The following RNF144A variants were observed in gnomAD, a reference collection of about 807,000 sequenced individuals.
RNF144A encodes the protein ring finger protein 144A.
In RNF144A, 11 loss-of-function variants were observed where a neutral mutation model predicts 38.7. That is an observed-to-expected ratio of 0.28 (90% confidence interval 0.18 to 0.47). The LOEUF is 0.47. Among genes scored for constraint, RNF144A ranks in the 20% least tolerant of loss-of-function variants. RNF144A has a pLI of 0.99. For missense variants in RNF144A, 316 were observed against 377.2 expected (o/e 0.84, Z 1.34); for synonymous variants, 149 against 143.9 (o/e 1.04, Z -0.25).
At chr2:6,923,244 A>G (rs1391034420) in intron 1 of RNF144A, among the ~76,000 whole-genome samples, 2 of 151,816 alleles carry the variant, frequency 1.3e-5, no homozygotes, top group Non-Finnish European at 2.9e-5. Context: ...GCATGAAGGG[A>G]CTCTCTCCTC....
chr2:7,066,090 T>C (rs1674202767), intron 6 of RNF144A, among the ~76,000 whole-genome samples: 1 of 152,058 alleles, frequency 6.6e-6, no homozygotes, highest in Admixed American at 6.5e-5. Flanking sequence ...TTTTTTTTTT[T>C]TCTTTTTTTC....
chr2:6,938,250 C>CCTT (rs1558364934), intron 1 of RNF144A, among the ~76,000 whole-genome samples: 76 of 114,468 alleles, frequency 6.6e-4, no homozygotes, highest in Non-Finnish European at 1.0e-3. Flanking sequence ...CCTCCCCTCC[C>CCTT]TTTTTTTTTT....
chr2:7,036,009 G>A lies in RNF144A; in HGVS notation c.748-3620G>A, dbSNP rs74591883. Among the ~76,000 whole-genome samples, 45 of 152,312 alleles carry A rather than the reference G, an allele frequency of 3.0e-4. 1 individual carries two copies. Among genetic ancestry groups the A allele is most frequent in the Admixed American group, 9.8e-4 (15 of 15,304 alleles). ...GCAGAGTGGCCGCGAATGCAAGACC[G>A]CACGGTGGGCAGATGTCTCACGTGG... On this transcript the variant is annotated intron_variant, in intron 8 of 8. Transcript: ENST00000320892.
intron 8 of RNF144A, among the ~76,000 whole-genome samples, chr2:7,034,098 G>C (rs758988067): frequency 6.6e-6 from 1 of 152,070 alleles, no homozygotes. Flanking sequence ...GAGCTTGTTC[G>C]TCCCCATTCA....
chr2:7,029,588 GC>G (rs1284719112), intron 7 of RNF144A, among the ~76,000 whole-genome samples: 1 of 152,226 alleles, frequency 6.6e-6, no homozygotes, highest in African/African-American at 2.4e-5. Context: ...TGGAGAGGAA[GC>G]GCTTTCTAGG....
rs1248570698 is a variant in RNF144A at position 6,944,174 on chromosome 2, A to G, written c.-12+3027A>G. Among the ~76,000 whole-genome samples the G allele has an allele frequency of 6.6e-6, 1 of 152,126 alleles. No homozygotes were observed. Among genetic ancestry groups the G allele is most frequent in the Admixed American group, 6.5e-5 (1 of 15,280 alleles). ...GGGAGGAAGGAGCAGAGGAGGAGCC[A>G]TTGGAGATGCGGGAGGAGGCCGGGC... On this transcript the variant is annotated intron_variant, in intron 2 of 8. Transcript: ENST00000320892. The surrounding 1 kb of genome is among the most constrained non-coding windows in gnomAD (Gnocchi z 4.7).
chr2:6,952,488 C>T (rs1191017422), intron 2 of RNF144A, among the ~76,000 whole-genome samples: 1 of 150,738 alleles, frequency 6.6e-6, no homozygotes, highest in South Asian at 2.1e-4. Flanking sequence ...CAACTGAAAA[C>T]GAGACCTAGT....
chr2:7,032,959 CGGG>C (rs1558450090), intron 8 of RNF144A, among the ~76,000 whole-genome samples: 1 of 152,242 alleles, frequency 6.6e-6, no homozygotes, highest in Non-Finnish European at 1.5e-5. Flanking sequence ...GGTGCTGACT[CGGG>C]GGACCCGGCA....
intron 2 of RNF144A, among the ~76,000 whole-genome samples, chr2:6,947,517 A>G (rs1305480170): frequency 6.6e-6 from 1 of 152,210 alleles, no homozygotes; most frequent in African/African-American, 2.4e-5. Context: ...CCCGAGAAGA[A>G]AGTTTCTACA....
chr2:6,949,842 T>C (rs1336135913), intron 2 of RNF144A, among the ~76,000 whole-genome samples: 1 of 152,230 alleles, frequency 6.6e-6, no homozygotes, highest in Non-Finnish European at 1.5e-5. Flanking sequence ...TAAAAATAAA[T>C]ATACATACAC....
chr2:7,071,124 C>T (rs996894367), downstream of RNF144A, among the ~76,000 whole-genome samples: 23 of 152,092 alleles, frequency 1.5e-4, no homozygotes, highest in Non-Finnish European at 2.8e-4. Context: ...TTAGTAGAGA[C>T]AGAGTTTCAC....
chr2:6,981,734 G>A (rs1668644886), intron 2 of RNF144A, among the ~76,000 whole-genome samples: 1 of 152,278 alleles, frequency 6.6e-6, no homozygotes, highest in African/African-American at 2.4e-5. Context: ...TTCCAACTCT[G>A]CCTGTTACCC....
intron 7 of RNF144A, among the ~76,000 whole-genome samples, chr2:7,029,722 ACAGCCGGAGC>A (rs1425980747): frequency 1.3e-5 from 2 of 152,240 alleles, no homozygotes; most frequent in Non-Finnish European, 2.9e-5. Context: ...GGAGTCACAC[ACAGCCGGAGC>A]CAGCAGGAGC....
chr2:6,923,967 T>C (rs1309021865), intron 1 of RNF144A, among the ~76,000 whole-genome samples: 1 of 152,238 alleles, frequency 6.6e-6, no homozygotes, highest in Non-Finnish European at 1.5e-5. Flanking sequence ...AATGGATTTT[T>C]GTTAAGTGAT....
At chr2:6,938,103 A>C (rs190770692) in intron 1 of RNF144A, among the ~76,000 whole-genome samples, 1 of 152,210 alleles carries the variant, frequency 6.6e-6, no homozygotes, top group African/African-American at 2.4e-5. Context: ...CAGAGTTTAC[A>C]TGTAGTGTTG....
At chr2:7,070,295 CG>C (rs1415950866), downstream of RNF144A, among the ~76,000 whole-genome samples, 1 of 152,106 alleles carries the variant, frequency 6.6e-6, no homozygotes, top group Non-Finnish European at 1.5e-5. Context: ...CTCAGCCTCC[CG>C]AGTAGCTGTG....
At chr2:6,938,240 CCTCCCCTCCCT>C (rs1665722895) in intron 1 of RNF144A, among the ~76,000 whole-genome samples, 2 of 137,320 alleles carry the variant, frequency 1.5e-5, no homozygotes, top group Non-Finnish European at 3.2e-5. Flanking sequence ...CCCCCTCTCC[CCTCCCCTCCCT>C]TTTTTTTTTT....
chr2:7,056,661 T>C (rs1051038363), intron 6 of RNF144A, among the ~76,000 whole-genome samples: 1 of 152,176 alleles, frequency 6.6e-6, no homozygotes, highest in Non-Finnish European at 1.5e-5. Flanking sequence ...TTCCTGCTGC[T>C]GCCCTCAAGT....
At position 7,041,671 on chromosome 2, in the gene RNF144A, T is replaced by C; in HGVS notation, c.*1911T>C. 1 of 985,490 alleles carries C rather than the reference T, an allele frequency of 1.0e-6. No homozygotes were observed. Among genetic ancestry groups the C allele is most frequent in the Non-Finnish European group, 1.2e-6 (1 of 829,966 alleles). 61.0% of individuals were successfully genotyped at this position (985,490 alleles called of 1,614,324 possible). A position where few individuals can be genotyped will look rare whatever the true frequency, so the allele number is the denominator to read the frequency against. ...TATGTGGATGCAGCTGTCCAGCCAC[T>C]GCCCTTTAACATGCCCAGCACACAT... On this transcript the variant is annotated 3_prime_UTR_variant, in exon 9 of 9. Transcript: ENST00000320892.
Sources: allele counts gnomAD v4.1 joint callset (sites outside exome capture counted in the v4.1 genomes callset), GRCh38; gene constraint gnomAD v4.1.1; non-coding constraint Gnocchi (gnomAD v3.1); transcripts MANE v1.5; gene names NCBI Gene and HGNC (gene_info 2026-07-23, HGNC 2026-07-21).